The following JARID2 variants were observed in gnomAD, a reference collection of about 807,000 sequenced individuals.
JARID2 encodes the protein protein Jumonji.
A neutral mutation model predicts 125.6 loss-of-function variants in JARID2; 21 were observed. The ratio of observed to expected loss-of-function variants is 0.17; its 90% confidence interval spans 0.12 to 0.24. The LOEUF (loss-of-function observed/expected upper bound fraction) is 0.24, where lower values mean the gene tolerates loss of function less well. JARID2 is among the 10% of genes least tolerant of loss of function. JARID2 has a pLI of 1.00. For synonymous variants in JARID2, 736 were observed against 661.6 expected (o/e 1.11, Z -1.73); for missense variants, 1,303 against 1,639.6 (o/e 0.79, Z 3.55).
At chr6:15,474,753 CT>C (rs145531756) in intron 5 of JARID2, among the ~76,000 whole-genome samples, 17,563 of 152,204 alleles carry the variant, frequency 0.12, 1,120 homozygotes, top group Non-Finnish European at 0.14. Flanking sequence ...AGGTTCCCAA[CT>C]AAAATTTTGT....
At chr6:15,497,241 G>T (rs1470080308) in intron 7 of JARID2, 71 bp downstream of exon 7, 5 of 1,176,210 alleles carry the variant, frequency 4.3e-6, no homozygotes, top group Non-Finnish European at 5.9e-6. Flanking sequence ...TTCCCTCACA[G>T]TCTTCACGTT....
chr6:15,290,279 A>G (rs540466240), intron 1 of JARID2, among the ~76,000 whole-genome samples: 1 of 152,256 alleles, frequency 6.6e-6, no homozygotes, highest in East Asian at 1.9e-4. Context: ...ACATACCACA[A>G]TTTATTGATG....
intron 1 of JARID2, among the ~76,000 whole-genome samples, chr6:15,292,077 C>T (rs905287934): frequency 4.6e-5 from 7 of 152,008 alleles, no homozygotes; most frequent in African/African-American, 7.3e-5. Context: ...AATGCAGTGG[C>T]GCCATCTCGG....
intron 2 of JARID2, among the ~76,000 whole-genome samples, chr6:15,378,198 A>AT (rs66993753): frequency 0.052 from 7,334 of 140,958 alleles, 265 homozygotes; most frequent in Non-Finnish European, 0.075. Flanking sequence ...TCAATTTTTA[A>AT]TTTTTTTTTT....
chr6:15,446,332 G>T lies in JARID2; in HGVS notation c.324-5674G>T, dbSNP rs73724409. Among the ~76,000 whole-genome samples the T allele has an allele frequency of 7.2e-3, 1,104 of 152,312 alleles. 16 individuals carry two copies. The highest frequency in any genetic ancestry group is 0.025 in the African/African-American group (1,060 of 41,570). ...AGAAGGGCAGAGCAATGGCTTTGGG[G>T]TTAGGTGGCTGGTTATGCATGAGGT... On this transcript the variant is annotated intron_variant, in intron 3 of 17. Coordinates refer to ENST00000341776, the MANE Select transcript of JARID2 (RefSeq NM_004973.4).
At chr6:15,508,144 CG>C (rs2127757679) in intron 11 of JARID2, among the ~76,000 whole-genome samples, 195 bp from the exon 12 acceptor site, 1 of 152,322 alleles carries the variant, frequency 6.6e-6, no homozygotes, top group African/African-American at 2.4e-5. Flanking sequence ...TGTTTTGAAG[CG>C]GTGTTCATAT....
At position 15,513,110 on chromosome 6, in the gene JARID2, C is replaced by T. The variant is rs927830222; in HGVS notation, c.3266+65C>T. On this transcript the variant is annotated intron_variant, in intron 15 of 17. Transcript: ENST00000341776. ...GGCTGCCCTTCGGGGGCTCACCCCCCGAGCAGGCCTCACTTCCTGACAGGA... is the reference window on the plus strand; with the variant it reads ...GGCTGCCCTTCGGGGGCTCACCCCCTGAGCAGGCCTCACTTCCTGACAGGA... 1.4e-5 allele frequency: 23 copies of T among 1,606,538 alleles called. 1 individual carries two copies. The highest frequency in any genetic ancestry group is 6.7e-5 in the African/African-American group (5 of 74,578).
chr6:15,317,446 C>T (rs756013440), intron 1 of JARID2, among the ~76,000 whole-genome samples: 4 of 152,080 alleles, frequency 2.6e-5, no homozygotes, highest in African/African-American at 4.8e-5. Flanking sequence ...GGTGTTCAAC[C>T]GACATTGTGG....
intron 1 of JARID2, chr6:15,369,301 T>C (rs1476325845): frequency 2.2e-6 from 1 of 462,748 alleles, no homozygotes; most frequent in Non-Finnish European, 4.4e-6. Flanking sequence ...TTACTAATTT[T>C]AGTAAATTTT....
At chr6:15,300,683 T>TTTGTGTG (rs1554121153) in intron 1 of JARID2, among the ~76,000 whole-genome samples, 4 of 114,404 alleles carry the variant, frequency 3.5e-5, no homozygotes, top group African/African-American at 6.4e-5. Context: ...TGTCCTCATG[T>TTTGTGTG]TGTGTGTGTG....
chr6:15,350,586 C>A (rs1314770438), intron 1 of JARID2, among the ~76,000 whole-genome samples: 1 of 152,174 alleles, frequency 6.6e-6, no homozygotes, highest in African/African-American at 2.4e-5. Flanking sequence ...GTTCTCATAG[C>A]CTGAGTATGA....
chr6:15,251,816 A>C (rs1759466020), intron 1 of JARID2, among the ~76,000 whole-genome samples: 1 of 152,126 alleles, frequency 6.6e-6, no homozygotes, highest in Admixed American at 6.5e-5. Context: ...CGTCTCTACT[A>C]AAAATACAAA....
intron 5 of JARID2, among the ~76,000 whole-genome samples, chr6:15,475,876 T>A (rs1769318381): frequency 6.6e-6 from 1 of 152,124 alleles, no homozygotes; most frequent in Non-Finnish European, 1.5e-5. Context: ...AAGGCACAGG[T>A]CTTAAAATAG....
chr6:15,435,276 C>T (rs1767154291), intron 3 of JARID2, among the ~76,000 whole-genome samples: 1 of 152,094 alleles, frequency 6.6e-6, no homozygotes, highest in South Asian at 2.1e-4. Flanking sequence ...TGCTACATAC[C>T]TTAGGGTATC....
At chr6:15,406,656 A>T (rs1184780785) in intron 2 of JARID2, among the ~76,000 whole-genome samples, 1 of 152,160 alleles carries the variant, frequency 6.6e-6, no homozygotes, top group Non-Finnish European at 1.5e-5. Context: ...TTGCTCAGTC[A>T]TGCCTTATCA....
chr6:15,444,305 C>T (rs1240700923), intron 3 of JARID2, among the ~76,000 whole-genome samples: 2 of 152,218 alleles, frequency 1.3e-5, no homozygotes, highest in African/African-American at 4.8e-5. Flanking sequence ...TAGTGCCTCT[C>T]ATTACAGAGT....
In JARID2 at chr6:15,517,343, C is replaced by T. The variant is rs1419125375; in HGVS notation, c.3558+75C>T. ...CTGCTCCCGGCTGGATGTAGGCACT[C>T]CGGCCTGGCAGTTCTGTGCCTGGCG... On this transcript the variant is annotated intron_variant, in intron 17 of 17. Transcript: ENST00000341776. 4 of 1,020,768 alleles carry T rather than the reference C, an allele frequency of 3.9e-6. No individual in the cohort carries two copies. The African/African-American group carries it at 6.3e-5, about 16-fold the overall frequency. 63.2% of individuals were successfully genotyped at this position (1,020,768 alleles called of 1,614,324 possible). A position where few individuals can be genotyped will look rare whatever the true frequency, so the allele number is the denominator to read the frequency against.
chr6:15,364,175 C>T (rs1391717266), intron 1 of JARID2, among the ~76,000 whole-genome samples: 1 of 152,106 alleles, frequency 6.6e-6, no homozygotes, highest in Non-Finnish European at 1.5e-5. Flanking sequence ...TGATTGATCT[C>T]ATAAAATGAT....
intron 1 of JARID2, among the ~76,000 whole-genome samples, chr6:15,289,195 C>A (rs918082165): frequency 2.0e-5 from 3 of 151,856 alleles, no homozygotes; most frequent in Admixed American, 2.0e-4. Flanking sequence ...TCGAGGGACA[C>A]AAGAATAATG....
Sources: allele counts gnomAD v4.1 joint callset (sites outside exome capture counted in the v4.1 genomes callset), GRCh38; gene constraint gnomAD v4.1.1; transcripts MANE v1.5; gene names NCBI Gene and HGNC (gene_info 2026-07-23, HGNC 2026-07-21).